HMGCLL1: variants seen among roughly 807,000 people sequenced by gnomAD.
HMGCLL1 encodes the protein 3-hydroxy-3-methylglutaryl-CoA lyase like 1.
HMGCLL1 carries 36 observed loss-of-function variants against 39.1 expected under a neutral mutation model. That is an observed-to-expected ratio of 0.92 (90% CI 0.71 to 1.22). HMGCLL1 has a LOEUF of 1.22. Among genes scored for constraint, HMGCLL1 ranks in the 50% most tolerant of loss-of-function variants. The pLI is 0.00. For missense variants in HMGCLL1, 451 were observed against 416.5 expected, an observed-to-expected ratio of 1.08 and a Z score of -0.72; for synonymous variants, 149 against 144.0, an observed-to-expected ratio of 1.03 and a Z score of -0.25.
chr6:55,678,584 CT>C, the HMGCLL1 span, among the ~76,000 whole-genome samples: 1 of 152,046 alleles, frequency 6.6e-6, no homozygotes, highest in African/African-American at 2.4e-5. Flanking sequence ...GAGAAGGGGA[CT>C]GTTTTTCTTT....
At chr6:55,596,682 T>A in the HMGCLL1 span, among the ~76,000 whole-genome samples, 1 of 152,216 alleles carries the variant, frequency 6.6e-6, no homozygotes, top group African/African-American at 2.4e-5. Flanking sequence ...CAGTTTAAAA[T>A]CTCAACTATA....
the HMGCLL1 span, among the ~76,000 whole-genome samples, chr6:55,642,280 T>TGCCAC: frequency 6.6e-6 from 1 of 151,300 alleles, no homozygotes; most frequent in Non-Finnish European, 1.5e-5. Context: ...GGTGTATATG[T>TGCCAC]GCCACATTTT....
chr6:55,529,433 T>A (rs922560839), intron 3 of HMGCLL1, among the ~76,000 whole-genome samples: 4 of 151,968 alleles, frequency 2.6e-5, no homozygotes, highest in Non-Finnish European at 5.9e-5. Context: ...TAGGCCTGGG[T>A]TGTTGGAAGG....
chr6:55,478,890 C>T (rs1344802054), intron 7 of HMGCLL1, among the ~76,000 whole-genome samples: 1 of 151,120 alleles, frequency 6.6e-6, no homozygotes, highest in African/African-American at 2.5e-5. Context: ...ATTAAAGATG[C>T]TAAGGAAGAA....
intron 5 of HMGCLL1, among the ~76,000 whole-genome samples, chr6:55,510,355 G>A (rs1187926133): frequency 6.6e-6 from 1 of 151,364 alleles, no homozygotes; most frequent in Non-Finnish European, 1.5e-5. Context: ...TGTTTATTGC[G>A]GCACTATTCA....
At chr6:55,606,227 C>A in the HMGCLL1 span, among the ~76,000 whole-genome samples, 1 of 152,102 alleles carries the variant, frequency 6.6e-6, no homozygotes, top group Non-Finnish European at 1.5e-5. Flanking sequence ...GGTGAAAGGA[C>A]ACAACAAAAT....
chr6:55,547,067 C>G (rs1001921955), intron 1 of HMGCLL1, among the ~76,000 whole-genome samples: 7 of 151,936 alleles, frequency 4.6e-5, no homozygotes, highest in African/African-American at 1.7e-4. Context: ...GTAGGCAGAC[C>G]TGAAAGAGAT....
the HMGCLL1 span, among the ~76,000 whole-genome samples, chr6:55,639,395 T>C: frequency 2.0e-5 from 3 of 150,428 alleles, no homozygotes; most frequent in Non-Finnish European, 4.4e-5. Context: ...GTCTACTAGA[T>C]GGCAGCACTA....
At chr6:55,543,640 G>T (rs1317735283) in intron 1 of HMGCLL1, among the ~76,000 whole-genome samples, 1 of 144,604 alleles carries the variant, frequency 6.9e-6, no homozygotes, top group African/African-American at 2.6e-5. Flanking sequence ...ATTTGCTTGA[G>T]CCCAGGAGTT....
chr6:55,561,664 A>T (rs918966638), intron 1 of HMGCLL1, among the ~76,000 whole-genome samples: 2 of 152,184 alleles, frequency 1.3e-5, no homozygotes, highest in Non-Finnish European at 2.9e-5. Context: ...TCTAAATAAC[A>T]GTTTATCATC....
the HMGCLL1 span, among the ~76,000 whole-genome samples, chr6:55,592,852 C>T: frequency 6.6e-6 from 1 of 151,976 alleles, no homozygotes; most frequent in Non-Finnish European, 1.5e-5. Context: ...AAGTTACTAC[C>T]AACACATGGC....
At chr6:55,594,522 TCA>T in the HMGCLL1 span, among the ~76,000 whole-genome samples, 2 of 152,236 alleles carry the variant, frequency 1.3e-5, no homozygotes, top group African/African-American at 4.8e-5. Flanking sequence ...AATAGAGTTC[TCA>T]CTTTAACACA....
the HMGCLL1 span, among the ~76,000 whole-genome samples, chr6:55,595,098 C>T: frequency 9.2e-5 from 14 of 152,160 alleles, no homozygotes; most frequent in East Asian, 1.9e-3. Context: ...TTCCATTTCT[C>T]GAGAAAATTG....
chr6:55,559,557 G>A (rs1210961375), intron 1 of HMGCLL1, among the ~76,000 whole-genome samples: 1 of 152,190 alleles, frequency 6.6e-6, no homozygotes, highest in Non-Finnish European at 1.5e-5. Context: ...CTAGAGGAGA[G>A]CAGGGGCACA....
At chr6:55,594,399 T>G in the HMGCLL1 span, among the ~76,000 whole-genome samples, 144 of 152,252 alleles carry the variant, frequency 9.5e-4, no homozygotes, top group Middle Eastern at 3.4e-3. Flanking sequence ...TAACCAAGAA[T>G]TTTGCTTAGT....
chr6:55,478,594 A>C (rs1765577363), intron 7 of HMGCLL1, among the ~76,000 whole-genome samples: 1 of 151,482 alleles, frequency 6.6e-6, no homozygotes, highest in African/African-American at 2.4e-5. Flanking sequence ...TGAAAATGAA[A>C]CTATTTAGCA....
the HMGCLL1 span, among the ~76,000 whole-genome samples, chr6:55,617,201 A>G: frequency 6.6e-6 from 1 of 152,110 alleles, no homozygotes; most frequent in Admixed American, 6.6e-5. Context: ...TCTTGCACTC[A>G]TGATGTCCTG....
chr6:55,666,473 A>T, the HMGCLL1 span, among the ~76,000 whole-genome samples: 1 of 151,694 alleles, frequency 6.6e-6, no homozygotes. Context: ...ACCCCTTGCC[A>T]TGTCAAAGAA....
At chr6:55,634,017 C>A in the HMGCLL1 span, among the ~76,000 whole-genome samples, 1 of 151,484 alleles carries the variant, frequency 6.6e-6, no homozygotes, top group Non-Finnish European at 1.5e-5. Flanking sequence ...ACTTTCAATC[C>A]TTCTATTTTT....
Sources: allele counts gnomAD v4.1 joint callset (sites outside exome capture counted in the v4.1 genomes callset), GRCh38; gene constraint gnomAD v4.1.1; transcripts MANE v1.5; gene names NCBI Gene and HGNC (gene_info 2026-07-23, HGNC 2026-07-21).